TECPR1: variants seen among roughly 807,000 people sequenced by gnomAD.
TECPR1 encodes the protein tectonin beta-propeller repeat containing 1, also known as tectonin beta-propeller repeat-containing protein 1.
Under a neutral mutation model 162.4 loss-of-function variants are expected in TECPR1, and 122 were observed. The observed-to-expected ratio is 0.75, with a 90% CI of 0.65 to 0.87. TECPR1 has a LOEUF of 0.87. Among genes scored for constraint, TECPR1 ranks in the 40% least tolerant of loss-of-function variants. The pLI is 0.00. For synonymous variants in TECPR1, 642 were observed against 670.6 expected (o/e 0.96, Z 0.66); for missense variants, 1,432 against 1,618.2 (o/e 0.88, Z 1.97).
At position 98,217,343 on chromosome 7, in the gene TECPR1, T is replaced by C. The variant is rs772247567; in HGVS notation, c.*47A>G. ...CAGCACAAGAATGGCTCAGCCTTGATCCCCCAAACTGGGCACCGTCCCTGC... is the reference window on the plus strand; with the variant it reads ...CAGCACAAGAATGGCTCAGCCTTGACCCCCCAAACTGGGCACCGTCCCTGC... On this transcript the variant is annotated 3_prime_UTR_variant, in exon 26 of 26. Coordinates refer to ENST00000447648, the MANE Select transcript of TECPR1 (RefSeq NM_015395.3). The C allele has an allele frequency of 1.6e-6, 2 of 1,229,768 alleles. No homozygotes were observed. Among genetic ancestry groups the C allele is most frequent in the Non-Finnish European group, 2.3e-6 (2 of 882,970 alleles). 76.2% of individuals were successfully genotyped at this position (1,229,768 alleles called of 1,614,324 possible).
chr7:98,239,164 G>A (rs1232976231), intron 8 of TECPR1, among the ~76,000 whole-genome samples: 2 of 152,170 alleles, frequency 1.3e-5, no homozygotes, highest in Non-Finnish European at 2.9e-5. Flanking sequence ...CCCGCCACCC[G>A]GCATTCCATC....
At position 98,215,190 on chromosome 7, in the gene TECPR1, A is replaced by G. The variant is rs1400362617; in HGVS notation, c.*2200T>C. 6.6e-6 allele frequency: 1 copy of G among 152,220 alleles called. No individual in the cohort carries two copies. The highest frequency in any genetic ancestry group is 1.9e-4 in the East Asian group (1 of 5,182). The allele number at this position is 152,220 out of a possible 1,614,324, so 9.4% of individuals were successfully genotyped here. ...ATCCCCCGGGGCTGTGGACGCACCC[A>G]GCCCCCGACAGACAGGCGCCCTGAG... On this transcript the variant is annotated 3_prime_UTR_variant, in exon 26 of 26. Transcript: ENST00000447648.
Position 98,244,680 on chromosome 7 carries a change from G to A in TECPR1, c.422C>T (p.Ala141Val). ...EPTEKGGWTYAIDFPATYTKD... is the reference protein window; with the variant it reads ...EPTEKGGWTYVIDFPATYTKD... The stretch of plus-strand genomic sequence containing the variant: ...CGTGTAGGTGGCGGGAAAGTCGATG[G>A]CGTACGTCCACCCCTGAAACACCAA... The change falls in exon 5 of 26, where the codon GCC becomes GTC. Residue 141 changes from alanine (A) to valine (V), a missense_variant. Coordinates refer to ENST00000447648, the MANE Select transcript of TECPR1 (RefSeq NM_015395.3). 2 of 1,611,634 alleles carry A rather than the reference G, an allele frequency of 1.2e-6. No individual in the cohort carries two copies. The highest frequency in any genetic ancestry group is 8.5e-7 in the Non-Finnish European group (1 of 1,178,850).
rs938274787 is a variant in TECPR1 at position 98,217,820 on chromosome 7, C to T, written c.3265-9G>A. 3.9e-6 allele frequency: 6 copies of T among 1,548,870 alleles called. No individual in the cohort carries two copies. Among genetic ancestry groups the T allele is most frequent in the Non-Finnish European group, 5.2e-6 (6 of 1,145,598 alleles). On this transcript the variant is annotated splice_polypyrimidine_tract_variant and intron_variant, in intron 24 of 25. Transcript: ENST00000447648. ...TTGGCGATCACCCAGACCTGGAGCACAGACCCCATGAAGCCCTCAGCCCTA... is the reference window on the plus strand; with the variant it reads ...TTGGCGATCACCCAGACCTGGAGCATAGACCCCATGAAGCCCTCAGCCCTA...
At chr7:98,220,184 A>T (rs1798107824) in intron 23 of TECPR1, among the ~76,000 whole-genome samples, 1 of 151,474 alleles carries the variant, frequency 6.6e-6, no homozygotes, top group African/African-American at 2.4e-5. Context: ...TCTACTAAAA[A>T]TACAAAAAAA....
Position 98,233,547 on chromosome 7 carries a change from C to T in TECPR1, c.1546G>A (p.Gly516Arg), listed in dbSNP as rs759006239. 1 of 1,594,516 alleles carries T rather than the reference C, an allele frequency of 6.3e-7. No individual in the cohort carries two copies. Among genetic ancestry groups the T allele is most frequent in the South Asian group, 1.1e-5 (1 of 88,876 alleles). ...FPETTSLSSLGLLPLGLEEPY... is the reference protein window; with the variant it reads ...FPETTSLSSLRLLPLGLEEPY... The stretch of plus-strand genomic sequence containing the variant: ...TCCTCCAAGCCCAGTGGGAGGAGCC[C>T]CAGAGAGGAGAGGCTGGTGGTCTCG... Residue 516 changes from glycine to arginine, a missense_variant, in exon 11 of 26, where the codon GGG becomes AGG. Physicochemically the swap from Gly to Arg is moderately radical, Grantham distance 125. Transcript: ENST00000447648.
chr7:98,224,988 G>T lies in TECPR1; in HGVS notation c.2610+18C>A, dbSNP rs1453730202. 1.3e-6 allele frequency: 2 copies of T among 1,543,536 alleles called. No homozygotes were observed. Among genetic ancestry groups the T allele is most frequent in the Non-Finnish European group, 1.7e-6 (2 of 1,144,390 alleles). On this transcript the variant is annotated intron_variant, in intron 18 of 25. Transcript: ENST00000447648. ...GGAGGGCGGATTCCCAACCCCCCAG[G>T]GGGCAGCGGGACCTCACCCAGGCCC...
At position 98,236,852 on chromosome 7, in the gene TECPR1, C is replaced by CATGT; in HGVS notation, c.1104_1105insACAT (p.Gly369ThrfsTer15). 1 of 1,585,542 alleles carries CATGT rather than the reference C, an allele frequency of 6.3e-7. No individual in the cohort carries two copies. Among genetic ancestry groups the CATGT allele is most frequent in the South Asian group, 1.2e-5 (1 of 86,546 alleles). ...GCGATGATGGCTTTCCAGGTCTTCC[C>CATGT]ACTGAGCTCGCTGGGGGTGACACCC... On this transcript the variant is annotated frameshift_variant, in exon 10 of 26. Transcript: ENST00000447648. LOFTEE classifies it high-confidence loss of function.
intron 2 of TECPR1, among the ~76,000 whole-genome samples, chr7:98,249,327 G>A (rs1213236505): frequency 1.3e-5 from 2 of 152,130 alleles, no homozygotes; most frequent in African/African-American, 4.8e-5. Flanking sequence ...AAGAATAGGA[G>A]GGAGACTGCC....
chr7:98,238,631 C>A (rs375597150), intron 8 of TECPR1, 21 bp from the exon 9 acceptor site: 1 of 1,549,894 alleles, frequency 6.5e-7, no homozygotes, highest in South Asian at 1.2e-5. Context: ...CAGAAATAAA[C>A]ATGCCTTCCT....
rs553716443 is a variant in TECPR1, at chr7:98,248,607, C to G, written c.-19-2442G>C. 1.1e-4 allele frequency among the ~76,000 whole-genome samples: 16 copies of G among 146,266 alleles called. No homozygotes were observed. The South Asian group carries it at 3.5e-3, about 32-fold the overall frequency. On this transcript the variant is annotated intron_variant, in intron 2 of 25. Coordinates refer to ENST00000447648, the MANE Select transcript of TECPR1 (RefSeq NM_015395.3). ...CTGTAAACCCAGCACTTTGGGAGGC[C>G]AAGGCGGATGGATCACCTGATGCCA...
rs765640775 is a variant in TECPR1 at position 98,232,999 on chromosome 7, C to G, written c.1673-27G>C. The G allele has an allele frequency of 6.3e-7, 1 of 1,590,850 alleles. No individual in the cohort carries two copies. Among genetic ancestry groups the G allele is most frequent in the Non-Finnish European group, 8.6e-7 (1 of 1,167,916 alleles). Reference sequence around the variant, plus strand: ...TGTGGGGCAGAGAGAGCCTCAGGGCCGGGGCACTGTCCTGCCCGCAGCTGG... The same window carrying G: ...TGTGGGGCAGAGAGAGCCTCAGGGCGGGGGCACTGTCCTGCCCGCAGCTGG... On this transcript the variant is annotated intron_variant, in intron 11 of 25. Coordinates refer to ENST00000447648, the MANE Select transcript of TECPR1 (RefSeq NM_015395.3). This position sits in a 1 kb window ranked among gnomAD's most constrained non-coding sequence, Gnocchi z 4.6.
At chr7:98,229,604 G>A (rs1248148983) in intron 15 of TECPR1, among the ~76,000 whole-genome samples, 2 of 152,200 alleles carry the variant, frequency 1.3e-5, no homozygotes, top group Admixed American at 6.5e-5. Context: ...ATGAGTGACA[G>A]CACGGCCCTT....
chr7:98,242,196 T>C (rs1798768470), intron 6 of TECPR1, among the ~76,000 whole-genome samples: 2 of 152,192 alleles, frequency 1.3e-5, no homozygotes, highest in African/African-American at 4.8e-5. Flanking sequence ...TCTGAATAAC[T>C]GCTAAGCCCA....
At chr7:98,220,921 T>C (rs563423808) in intron 23 of TECPR1, among the ~76,000 whole-genome samples, 2 of 142,798 alleles carry the variant, frequency 1.4e-5, no homozygotes, top group South Asian at 4.8e-4. Flanking sequence ...AAACTCCTGA[T>C]CTCAAGTGAT....
In TECPR1 at chr7:98,217,920, C is replaced by T. The variant is rs990930696; in HGVS notation, c.3264+16G>A. On this transcript the variant is annotated intron_variant, in intron 24 of 25. Transcript: ENST00000447648. ...CAGAGCACCCCAAGTGCCCGATACC[C>T]CCTGAGCACCCCCACCTGGTCCAGG... 6.5e-7 allele frequency: 1 copy of T among 1,545,872 alleles called. No individual in the cohort carries two copies. The highest frequency in any genetic ancestry group is 8.8e-7 in the Non-Finnish European group (1 of 1,142,558).
At chr7:98,218,183 C>T (rs749364974) in intron 23 of TECPR1, 141 bp from the exon 24 acceptor site, 17 of 664,338 alleles carry the variant, frequency 2.6e-5, no homozygotes, top group Non-Finnish European at 3.9e-5. Context: ...GGGTCCTGGC[C>T]CCTGAGTCAG....
At chr7:98,245,165 C>T in intron 3 of TECPR1, 98 bp from the exon 4 acceptor site, 2 of 1,322,830 alleles carry the variant, frequency 1.5e-6, no homozygotes, top group Non-Finnish European at 2.1e-6. Context: ...CCCTGCCCAG[C>T]CGACCCCCTC....
rs201289000 is a variant in TECPR1, at chr7:98,244,695, T to C, written c.409-2A>G. 2 of 1,606,080 alleles carry C rather than the reference T, an allele frequency of 1.2e-6. No homozygotes were observed. The highest frequency in any genetic ancestry group is 3.4e-5 in the Admixed American group (2 of 59,568). On this transcript the variant is annotated splice_acceptor_variant, in intron 4 of 25. Coordinates refer to ENST00000447648, the MANE Select transcript of TECPR1 (RefSeq NM_015395.3). LOFTEE classifies it high-confidence loss of function. Reference sequence around the variant, plus strand: ...AAAGTCGATGGCGTACGTCCACCCCTGAAACACCAAGGAAGGGGCTCTCAG... The same window carrying C: ...AAAGTCGATGGCGTACGTCCACCCCCGAAACACCAAGGAAGGGGCTCTCAG...
Sources: allele counts gnomAD v4.1 joint callset (sites outside exome capture counted in the v4.1 genomes callset), GRCh38; gene constraint gnomAD v4.1.1; non-coding constraint Gnocchi (gnomAD v3.1); transcripts MANE v1.5; gene names NCBI Gene and HGNC (gene_info 2026-07-23, HGNC 2026-07-21).